Variants in RARB observed in about 807,000 individuals in gnomAD.
RARB encodes retinoic acid receptor beta.
RARB carries 17 observed loss-of-function variants against 51.9 expected under a neutral mutation model. The ratio of observed to expected loss-of-function variants is 0.33; its 90% CI spans 0.22 to 0.49. RARB has a LOEUF of 0.49. Among genes scored for constraint, RARB ranks in the 20% least tolerant of loss-of-function variants. The probability of loss-of-function intolerance (pLI) is 0.99; values close to 1 mark genes in which losing one functional copy is unlikely to be tolerated. For synonymous variants in RARB, 215 were observed against 195.4 expected, an observed-to-expected ratio of 1.10 and a Z score of -0.84; for missense variants, 369 against 550.8, an observed-to-expected ratio of 0.67 and a Z score of 3.30.
At chr3:24,978,140 G>A (rs9682454) in intron 2 of RARB, among the ~76,000 whole-genome samples, 73,509 of 151,958 alleles carry the variant, frequency 0.48, 18,192 homozygotes, top group Admixed American at 0.6. Context: ...ATGTGCTGCT[G>A]GATTCAGTTT....
At chr3:25,360,928 A>G (rs1705913912) in intron 5 of RARB, among the ~76,000 whole-genome samples, 1 of 151,828 alleles carries the variant, frequency 6.6e-6, no homozygotes, top group African/African-American at 2.4e-5. Flanking sequence ...CTTCATTTCA[A>G]CCTTGCTGAA....
At chr3:24,912,392 C>T (rs572507544) in intron 2 of RARB, among the ~76,000 whole-genome samples, 4 of 152,180 alleles carry the variant, frequency 2.6e-5, no homozygotes, top group African/African-American at 9.6e-5. Flanking sequence ...ATGTAATATA[C>T]TTAATACAAT....
chr3:25,460,786 G>T (rs1480048140), intron 1 of RARB, among the ~76,000 whole-genome samples: 1 of 152,174 alleles, frequency 6.6e-6, no homozygotes, highest in African/African-American at 2.4e-5. Context: ...AGTCGTTTGA[G>T]ATTCTACATG....
intron 2 of RARB, among the ~76,000 whole-genome samples, chr3:25,461,663 G>A (rs1326428576): frequency 1.3e-5 from 2 of 152,172 alleles, no homozygotes; most frequent in East Asian, 3.8e-4. Flanking sequence ...GGGAGGCCAA[G>A]GTGCGCAATC....
At chr3:25,270,791 G>T (rs1337902440) in intron 5 of RARB, among the ~76,000 whole-genome samples, 1 of 152,210 alleles carries the variant, frequency 6.6e-6, no homozygotes, top group East Asian at 1.9e-4. Flanking sequence ...AAGTGGTGTG[G>T]TGTTTAAGGT....
chr3:25,104,968 A>T (rs1432924155), intron 3 of RARB, among the ~76,000 whole-genome samples: 1 of 152,176 alleles, frequency 6.6e-6, no homozygotes, highest in African/African-American at 2.4e-5. Flanking sequence ...CTAAATCTGA[A>T]TGAGGGTCAC....
intron 2 of RARB, among the ~76,000 whole-genome samples, chr3:24,936,925 T>A (rs1022573669): frequency 6.6e-6 from 1 of 152,188 alleles, no homozygotes; most frequent in Admixed American, 6.5e-5. Flanking sequence ...TTGCCAAAAT[T>A]CCAAAGGAAA....
intron 2 of RARB, among the ~76,000 whole-genome samples, chr3:25,461,646 G>A (rs1017233976): frequency 2.0e-5 from 3 of 152,170 alleles, no homozygotes; most frequent in Admixed American, 1.3e-4. Context: ...TGTAATCCCA[G>A]CACTTTGGGA....
chr3:25,262,988 A>T (rs1417093211), intron 5 of RARB, among the ~76,000 whole-genome samples: 2 of 152,144 alleles, frequency 1.3e-5, no homozygotes, highest in Non-Finnish European at 2.9e-5. Context: ...CTGCCTTAAG[A>T]GTAAATAGTA....
chr3:25,084,416 C>CTT (rs902154895), intron 3 of RARB, among the ~76,000 whole-genome samples: 2 of 145,488 alleles, frequency 1.4e-5, no homozygotes, highest in African/African-American at 5.0e-5. Context: ...GTGTACAAAA[C>CTT]TTTTTTTTTT....
At chr3:25,128,527 A>G (rs775590871) in intron 3 of RARB, among the ~76,000 whole-genome samples, 19 of 150,512 alleles carry the variant, frequency 1.3e-4, no homozygotes, top group Non-Finnish European at 2.4e-4. Flanking sequence ...CTTTTTTTGT[A>G]CTTTTGGGGA....
At chr3:25,174,496 C>A in exon 5 of RARB, 1 of 1,352,116 alleles carries the variant, frequency 7.4e-7, no homozygotes, top group Admixed American at 1.9e-5. Flanking sequence ...CACCTGTCAT[C>A]GGAGGACTTT....
chr3:25,262,417 A>C (rs1010293823), intron 5 of RARB, among the ~76,000 whole-genome samples: 3 of 152,168 alleles, frequency 2.0e-5, no homozygotes, highest in African/African-American at 7.2e-5. Context: ...AAACAACACA[A>C]ATTTATTACA....
chr3:25,121,076 A>T (rs982512638), intron 3 of RARB, among the ~76,000 whole-genome samples: 2 of 152,156 alleles, frequency 1.3e-5, no homozygotes, highest in African/African-American at 4.8e-5. Context: ...TTGAATTCAC[A>T]TGCATGTGTA....
At chr3:25,132,938 T>C (rs544594250) in intron 4 of RARB, among the ~76,000 whole-genome samples, 1 of 99,506 alleles carries the variant, frequency 1.0e-5, no homozygotes, top group African/African-American at 3.9e-5. Flanking sequence ...CATATTTAAC[T>C]GATGCTATCT....
chr3:25,596,254 C>T (rs1363145273), intron 7 of RARB, among the ~76,000 whole-genome samples, 166 bp from the exon 8 acceptor site: 1 of 152,102 alleles, frequency 6.6e-6, no homozygotes, highest in Non-Finnish European at 1.5e-5. Context: ...TGATAGTAAT[C>T]GATAGATCTT....
At chr3:25,229,323 C>T (rs1044776572) in intron 5 of RARB, among the ~76,000 whole-genome samples, 3 of 151,998 alleles carry the variant, frequency 2.0e-5, no homozygotes, top group Non-Finnish European at 4.4e-5. Flanking sequence ...ACTTTATTAT[C>T]TTTTACCATA....
intron 3 of RARB, among the ~76,000 whole-genome samples, chr3:25,543,304 A>G (rs1466281930): frequency 6.6e-6 from 1 of 152,048 alleles, no homozygotes; most frequent in East Asian, 1.9e-4. Context: ...GGCTGCTAAT[A>G]TTTTCTTAAT....
intron 4 of RARB, among the ~76,000 whole-genome samples, chr3:25,141,352 G>T (rs1215812412): frequency 6.6e-6 from 1 of 151,846 alleles, no homozygotes; most frequent in South Asian, 2.1e-4. Flanking sequence ...GGGTTCCTTT[G>T]ATTTGTTTTT....
Sources: gnomAD v4.1 joint callset for allele counts (sites outside exome capture counted in the v4.1 genomes callset) on GRCh38, gnomAD v4.1.1 for gene constraint, MANE v1.5 for transcripts, NCBI Gene and HGNC (gene_info 2026-07-23, HGNC 2026-07-21) for gene names.